NRCAM: variants seen among roughly 807,000 people sequenced by gnomAD.
NRCAM encodes neuronal cell adhesion molecule.
In NRCAM, 83 loss-of-function variants were observed where a neutral mutation model predicts 156.5. The ratio of observed to expected loss-of-function variants is 0.53; its 90% confidence interval spans 0.44 to 0.64. NRCAM has a LOEUF of 0.64. Among genes scored for constraint, NRCAM ranks in the 30% least tolerant of loss-of-function variants. NRCAM has a pLI of 0.00. For missense variants in NRCAM, 1,417 were observed against 1,597.3 expected (o/e 0.89, Z 1.92); for synonymous variants, 538 against 563.9 (o/e 0.95, Z 0.65).
chr7:108,374,087 T>G (rs1272911529), intron 2 of NRCAM, among the ~76,000 whole-genome samples: 1 of 152,048 alleles, frequency 6.6e-6, no homozygotes, highest in Non-Finnish European at 1.5e-5. Context: ...CCATGCATAT[T>G]AGAGAAAAGG....
intron 3 of NRCAM, among the ~76,000 whole-genome samples, chr7:108,262,817 T>C (rs567213115): frequency 7.2e-5 from 11 of 152,318 alleles, no homozygotes; most frequent in Admixed American, 2.6e-4. Flanking sequence ...TTGGCTAGAT[T>C]TTCCCCTTTT....
chr7:108,325,254 G>C (rs2099055378), intron 2 of NRCAM, among the ~76,000 whole-genome samples: 2 of 151,990 alleles, frequency 1.3e-5, no homozygotes, highest in Admixed American at 6.5e-5. Context: ...AGGTGACCTG[G>C]GTCACCTACT....
chr7:108,370,653 CTTGTT>C (rs2099622579), intron 2 of NRCAM, among the ~76,000 whole-genome samples: 1 of 151,962 alleles, frequency 6.6e-6, no homozygotes, highest in African/African-American at 2.4e-5. Context: ...TAATAAATAA[CTTGTT>C]TTGTGTGCTC....
At chr7:108,252,470 A>G (rs2096406372) in intron 3 of NRCAM, among the ~76,000 whole-genome samples, 1 of 152,220 alleles carries the variant, frequency 6.6e-6, no homozygotes, top group African/African-American at 2.4e-5. Context: ...CAGAGAAAAC[A>G]GTTTTTATTT....
intron 3 of NRCAM, among the ~76,000 whole-genome samples, chr7:108,258,495 A>C (rs1192466761): frequency 6.6e-6 from 1 of 152,166 alleles, no homozygotes. Context: ...TTTGCCTATA[A>C]GGACATGAAG....
intron 11 of NRCAM, among the ~76,000 whole-genome samples, chr7:108,213,333 T>A (rs569630586): frequency 1.2e-4 from 19 of 152,062 alleles, no homozygotes; most frequent in East Asian, 1.2e-3. Flanking sequence ...AACAAAAATA[T>A]AATTCAAAAA....
rs1292534557 is a variant in NRCAM at position 108,198,070 on chromosome 7, C to A, written c.1237G>T (p.Asp413Tyr). The change falls in exon 14 of 33, where the codon GAT (aspartate) becomes TAT (tyrosine). Residue 413 changes from aspartate to tyrosine, a missense_variant. By Grantham distance (160) the Asp-to-Tyr change is radical (BLOSUM62 -3). Around this residue, in one of 2 missense-constraint regions of NRCAM, gnomAD observed 1,238 missense variants for 1,336.4 expected, o/e 0.93. Transcript: ENST00000379028. ...IAPDDPSRKIDGDTIIFSNVQ... is the reference protein window; with the variant it reads ...IAPDDPSRKIYGDTIIFSNVQ... ...TTTGAAAAAATAATGGTATCGCCAT[C>A]TATTTTTCTGCTGGGGTCATCAGGG... The A allele has an allele frequency of 3.1e-6, 5 of 1,606,876 alleles. No individual in the cohort carries two copies. Among genetic ancestry groups the A allele is most frequent in the Non-Finnish European group, 4.2e-6 (5 of 1,176,990 alleles).
At chr7:108,343,486 A>G (rs1303993696) in intron 2 of NRCAM, among the ~76,000 whole-genome samples, 3 of 152,216 alleles carry the variant, frequency 2.0e-5, no homozygotes, top group Non-Finnish European at 2.9e-5. Context: ...TGAAGCAAAA[A>G]GAGCTGCAAG....
chr7:108,253,693 T>A (rs1310959802), intron 3 of NRCAM, among the ~76,000 whole-genome samples: 1 of 152,114 alleles, frequency 6.6e-6, no homozygotes, highest in Non-Finnish European at 1.5e-5. Context: ...ATGCACAGAG[T>A]GAAATGTGCA....
rs192906821 is a variant in NRCAM at position 108,275,071 on chromosome 7, C to A, written c.-106-34901G>T. Among the ~76,000 whole-genome samples, 276 of 152,334 alleles carry A rather than the reference C, an allele frequency of 1.8e-3. 2 individuals are homozygous for A. The highest frequency in any genetic ancestry group is 6.2e-3 in the African/African-American group (259 of 41,574). On this transcript the variant is annotated intron_variant, in intron 3 of 32. Transcript: ENST00000379028. ...ATTTGCGTATGTTGAACCAGCCTTGCATCCCAGGGATGAAGCCAACTTGCT... is the reference window on the plus strand; with the variant it reads ...ATTTGCGTATGTTGAACCAGCCTTGAATCCCAGGGATGAAGCCAACTTGCT...
At chr7:108,202,553 G>T (rs567591675) in intron 13 of NRCAM, among the ~76,000 whole-genome samples, 2 of 152,294 alleles carry the variant, frequency 1.3e-5, no homozygotes, top group Non-Finnish European at 2.9e-5. Flanking sequence ...TGGGCATAAT[G>T]TAGAACACAT....
intron 2 of NRCAM, among the ~76,000 whole-genome samples, chr7:108,320,410 G>A (rs1241803427): frequency 6.6e-6 from 1 of 152,118 alleles, no homozygotes; most frequent in Non-Finnish European, 1.5e-5. Context: ...GTGAGCCACT[G>A]TACTCCAGCC....
At chr7:108,151,511 C>T (rs2041628173) in intron 32 of NRCAM, among the ~76,000 whole-genome samples, 1 of 151,838 alleles carries the variant, frequency 6.6e-6, no homozygotes, top group Non-Finnish European at 1.5e-5. Flanking sequence ...TTCAATTTTT[C>T]TCCAAGAAGA....
intron 19 of NRCAM, 26 bp downstream of exon 19, chr7:108,191,226 CAG>C (rs930977306): frequency 1.9e-6 from 3 of 1,579,850 alleles, no homozygotes; most frequent in African/African-American, 1.4e-5. Context: ...TGACAGAAAA[CAG>C]AGAAAGAAGA....
At chr7:108,442,213 T>G (rs1183820698) in intron 1 of NRCAM, among the ~76,000 whole-genome samples, 1 of 152,136 alleles carries the variant, frequency 6.6e-6, no homozygotes, top group African/African-American at 2.4e-5. Context: ...TGTGCAGCTG[T>G]CAGTGCAGGG....
chr7:108,442,375 A>C (rs1171608029), intron 1 of NRCAM, among the ~76,000 whole-genome samples: 1 of 151,162 alleles, frequency 6.6e-6, no homozygotes, highest in Non-Finnish European at 1.5e-5. Flanking sequence ...TGTGTAGAGG[A>C]GACCAAAGAG....
At chr7:108,237,692 A>G in intron 5 of NRCAM, 60 bp downstream of exon 5, 1 of 1,334,800 alleles carries the variant, frequency 7.5e-7, no homozygotes, top group East Asian at 2.5e-5. Context: ...ATATTAATTC[A>G]AAAAGCAAAG....
At chr7:108,318,245 C>T (rs780520196) in intron 2 of NRCAM, among the ~76,000 whole-genome samples, 4 of 151,766 alleles carry the variant, frequency 2.6e-5, no homozygotes, top group Non-Finnish European at 4.4e-5. Context: ...TGGGGTTTCA[C>T]TGTGTTAGCC....
intron 1 of NRCAM, among the ~76,000 whole-genome samples, chr7:108,402,298 C>T (rs1745942836): frequency 6.6e-6 from 1 of 152,146 alleles, no homozygotes; most frequent in South Asian, 2.1e-4. Context: ...TTTATTTGTA[C>T]AGCATTGTTA....
Sources: allele counts gnomAD v4.1 joint callset (sites outside exome capture counted in the v4.1 genomes callset), GRCh38; gene constraint gnomAD v4.1.1; regional missense constraint gnomAD v4.1.1; transcripts MANE v1.5; gene names NCBI Gene and HGNC (gene_info 2026-07-23, HGNC 2026-07-21).